KIAA0825: variants seen among roughly 807,000 people sequenced by gnomAD.
KIAA0825 encodes uncharacterized protein KIAA0825.
Under a neutral mutation model 147.6 loss-of-function variants are expected in KIAA0825, and 119 were observed. The ratio of observed to expected loss-of-function variants is 0.81; its 90% CI spans 0.69 to 0.94. The LOEUF is 0.94. Among genes scored for constraint, KIAA0825 ranks in the 40% least tolerant of loss-of-function variants. The pLI is 0.00. For synonymous variants in KIAA0825, 470 were observed against 518.1 expected, an observed-to-expected ratio of 0.91 and a Z score of 1.26; for missense variants, 1,381 against 1,472.7, an observed-to-expected ratio of 0.94 and a Z score of 1.02.
intron 20 of KIAA0825, among the ~76,000 whole-genome samples, chr5:94,272,196 G>A (rs1304823084): frequency 1.3e-5 from 2 of 151,728 alleles, no homozygotes; most frequent in East Asian, 1.9e-4. Flanking sequence ...GGGAAGGGTA[G>A]TGGGGGGAGG....
chr5:94,594,676 TG>T (rs1784951035), intron 1 of KIAA0825: 1 of 625,778 alleles, frequency 1.6e-6, no homozygotes, highest in South Asian at 1.5e-5. Context: ...TTGGAATTTT[TG>T]GGCTATCATA....
At position 94,256,459 on chromosome 5, in the gene KIAA0825, CTTTA is replaced by C. The variant is rs1418538252; in HGVS notation, c.3711-102339_3711-102336del. Among the ~76,000 whole-genome samples, 3 of 152,130 alleles carry C rather than the reference CTTTA, an allele frequency of 2.0e-5. No individual in the cohort carries two copies. In the East Asian group the frequency reaches 5.8e-4, roughly 29 times the overall value. On this transcript the variant is annotated intron_variant, in intron 20 of 20. Transcript: ENST00000682413. ...TAGAAAATGTAAATTCACTGCTCAA[CTTTA>C]TTTGTTAAAAGCTAGAAAAAATTAA...
intron 20 of KIAA0825, among the ~76,000 whole-genome samples, chr5:94,335,838 G>T (rs941973918): frequency 6.6e-6 from 1 of 152,094 alleles, no homozygotes; most frequent in Non-Finnish European, 1.5e-5. Flanking sequence ...ATATTATTGA[G>T]TCACTTACTA....
chr5:94,518,118 CGTG>C (rs1767552692), intron 5 of KIAA0825, among the ~76,000 whole-genome samples: 1 of 152,048 alleles, frequency 6.6e-6, no homozygotes. Context: ...GCAAAGATTT[CGTG>C]AGCATAAAGA....
At chr5:94,519,391 G>T in intron 5 of KIAA0825, 1 of 903,382 alleles carries the variant, frequency 1.1e-6, no homozygotes, top group Non-Finnish European at 1.3e-6. Flanking sequence ...TTATATAAAA[G>T]CATAACTAAT....
chr5:94,505,577 C>T (rs1765649715), intron 5 of KIAA0825, among the ~76,000 whole-genome samples: 1 of 151,990 alleles, frequency 6.6e-6, no homozygotes. Flanking sequence ...CATTTGATGA[C>T]TATGAAAGCT....
At chr5:94,214,175 G>A (rs1172327433) in intron 20 of KIAA0825, among the ~76,000 whole-genome samples, 1 of 152,070 alleles carries the variant, frequency 6.6e-6, no homozygotes, top group Non-Finnish European at 1.5e-5. Flanking sequence ...TTTTTAATTA[G>A]TACATGGGTA....
At chr5:94,267,815 G>T (rs1776802004) in intron 20 of KIAA0825, among the ~76,000 whole-genome samples, 1 of 152,010 alleles carries the variant, frequency 6.6e-6, no homozygotes. Context: ...TTCAGAATGG[G>T]AAAGTAGCAT....
At chr5:94,383,627 A>G (rs1748726227) in intron 20 of KIAA0825, among the ~76,000 whole-genome samples, 1 of 152,200 alleles carries the variant, frequency 6.6e-6, no homozygotes, top group Non-Finnish European at 1.5e-5. Flanking sequence ...TAAAAATCCA[A>G]ATTTTTAAAG....
chr5:94,458,361 A>G (rs936286450), intron 12 of KIAA0825, among the ~76,000 whole-genome samples: 1 of 152,200 alleles, frequency 6.6e-6, no homozygotes, highest in Non-Finnish European at 1.5e-5. Context: ...AGGTATTACC[A>G]GACCTTGCTT....
chr5:94,357,076 G>C (rs528955200), intron 20 of KIAA0825, among the ~76,000 whole-genome samples: 1 of 152,238 alleles, frequency 6.6e-6, no homozygotes, highest in South Asian at 2.1e-4. Flanking sequence ...AATCCTTAGA[G>C]AGCTCGAAAG....
intron 9 of KIAA0825, 98 bp downstream of exon 9, chr5:94,471,368 C>T (rs1052668918): frequency 7.9e-7 from 1 of 1,258,764 alleles, no homozygotes; most frequent in South Asian, 1.6e-5. Context: ...ATTATTTTCT[C>T]TTTCTCAAAT....
At chr5:94,558,538 T>C (rs1006486331) in intron 2 of KIAA0825, among the ~76,000 whole-genome samples, 3 of 152,212 alleles carry the variant, frequency 2.0e-5, no homozygotes, top group African/African-American at 7.2e-5. Flanking sequence ...TTACATTTTT[T>C]TCCCTTAAAG....
At chr5:94,462,318 G>T in intron 12 of KIAA0825, 69 bp downstream of exon 12, 1 of 809,474 alleles carries the variant, frequency 1.2e-6, no homozygotes, top group Non-Finnish European at 1.8e-6. Context: ...TTCCATAAGT[G>T]TTATGAAAAT....
intron 5 of KIAA0825, among the ~76,000 whole-genome samples, chr5:94,506,233 C>T (rs997344124): frequency 6.6e-6 from 1 of 152,206 alleles, no homozygotes; most frequent in Non-Finnish European, 1.5e-5. Flanking sequence ...TCAGGATATA[C>T]TGTGTTAACC....
intron 20 of KIAA0825, among the ~76,000 whole-genome samples, chr5:94,376,241 C>T (rs1270918395): frequency 2.4e-4 from 36 of 152,010 alleles, no homozygotes; most frequent in Admixed American, 2.4e-3. Context: ...AAAAAATTGA[C>T]CAGAAGTATG....
chr5:94,412,034 C>T (rs1342575484), intron 15 of KIAA0825, among the ~76,000 whole-genome samples: 1 of 151,408 alleles, frequency 6.6e-6, no homozygotes, highest in East Asian at 1.9e-4. Context: ...AAAAAGTAAG[C>T]CATAGACAGG....
At position 94,274,218 on chromosome 5, in the gene KIAA0825, A is replaced by G. The variant is rs781627711; in HGVS notation, c.3710+110150T>C. On this transcript the variant is annotated intron_variant, in intron 20 of 20. Coordinates refer to ENST00000682413, the MANE Select transcript of KIAA0825 (RefSeq NM_001145678.3). ...AATGGGGTTGTAGAGTTTCTTTTTC[A>G]GGGAGTTTTTGACATAAGGCTGGTT... Among the ~76,000 whole-genome samples the G allele has an allele frequency of 4.5e-4, 69 of 152,238 alleles. No homozygotes were observed. The Middle Eastern group carries it at 0.014, about 30-fold the overall frequency.
At chr5:94,268,617 G>T (rs1418930503) in intron 20 of KIAA0825, among the ~76,000 whole-genome samples, 1 of 152,116 alleles carries the variant, frequency 6.6e-6, no homozygotes, top group Non-Finnish European at 1.5e-5. Context: ...CAAATCAAAG[G>T]AGAATCTTTA....
Sources: gnomAD v4.1 joint callset for allele counts (sites outside exome capture counted in the v4.1 genomes callset) on GRCh38, gnomAD v4.1.1 for gene constraint, MANE v1.5 for transcripts, NCBI Gene and HGNC (gene_info 2026-07-23, HGNC 2026-07-21) for gene names.